The following AKAP13 variants were observed in gnomAD, a reference collection of about 807,000 sequenced individuals.
The protein encoded by AKAP13 is A-kinase anchor protein 13.
A neutral mutation model predicts 264.5 loss-of-function variants in AKAP13; 80 were observed. The observed-to-expected ratio is 0.30, with a 90% CI of 0.25 to 0.36. AKAP13 has a LOEUF of 0.36. Ranked by LOEUF, AKAP13 falls within the 10% of genes least tolerant of loss-of-function variation. AKAP13 has a pLI of 1.00. For synonymous variants in AKAP13, 1,380 were observed against 1,250.2 expected, an observed-to-expected ratio of 1.10 and a Z score of -2.19; for missense variants, 3,712 against 3,435.2, an observed-to-expected ratio of 1.08 and a Z score of -2.01.
intron 12 of AKAP13, chr15:85,662,364 T>G (rs1377784085): frequency 6.2e-7 from 1 of 1,613,624 alleles, no homozygotes; most frequent in Non-Finnish European, 8.5e-7. Flanking sequence ...GCATTTCTGT[T>G]TCTGTCTTTG....
chr15:85,745,199 G>A lies in AKAP13; in HGVS notation c.*522G>A, dbSNP rs538086916. On this transcript the variant is annotated 3_prime_UTR_variant, in exon 37 of 37. Coordinates refer to ENST00000394518, the MANE Select transcript of AKAP13 (RefSeq NM_007200.5). The stretch of plus-strand genomic sequence containing the variant: ...CTTAGCACAAGGGCAGTGCCTGGAC[G>A]GACCCGGAGCCCCCGCATATCAGCA... 3.3e-5 allele frequency: 5 copies of A among 153,048 alleles called. No homozygotes were observed. Among genetic ancestry groups the A allele is most frequent in the South Asian group, 2.1e-4 (1 of 4,866 alleles). The allele number at this position is 153,048 out of a possible 1,614,324, so 9.5% of individuals were successfully genotyped here. A position where few individuals can be genotyped will look rare whatever the true frequency, so the allele number is the denominator to read the frequency against.
intron 9 of AKAP13, among the ~76,000 whole-genome samples, chr15:85,641,338 C>T (rs531791313): frequency 9.3e-5 from 14 of 150,406 alleles, no homozygotes; most frequent in Admixed American, 2.6e-4. Context: ...CCCAGATACT[C>T]GGGAGACTGA....
intron 1 of AKAP13, among the ~76,000 whole-genome samples, chr15:85,461,791 C>T (rs1165863156): frequency 6.6e-6 from 1 of 152,022 alleles, no homozygotes; most frequent in African/African-American, 2.4e-5. Context: ...ATCTAAGTCC[C>T]TTTTGGATAG....
intron 19 of AKAP13, among the ~76,000 whole-genome samples, chr15:85,711,301 T>G (rs2086624334): frequency 6.6e-6 from 1 of 152,226 alleles, no homozygotes; most frequent in Non-Finnish European, 1.5e-5. Context: ...TCAAACCATT[T>G]TCACCAGTGC....
chr15:85,521,506 G>T lies in AKAP13; in HGVS notation c.112G>T (p.Gly38Cys). The stretch of plus-strand genomic sequence containing the variant: ...TGTAGTGTTTTACTTGGTATTTTTG[G>T]GTTCCACCCTCCGTCACTGTACAAG... ...DDVVFYLVFL[G>C]STLRHCTSTR... is the part of the protein sequence containing the mutation. The change falls in exon 3 of 37, where the codon GGT (glycine) becomes TGT (cysteine). Residue 38 changes from glycine (G) to cysteine (C), a missense_variant. Gly to Cys is a radical substitution (Grantham distance 159). Transcript: ENST00000394518. The T allele has an allele frequency of 6.2e-7, 1 of 1,614,062 alleles. No individual in the cohort carries two copies. The highest frequency in any genetic ancestry group is 8.5e-7 in the Non-Finnish European group (1 of 1,179,998).
intron 8 of AKAP13, among the ~76,000 whole-genome samples, chr15:85,630,775 A>G (rs1023369456): frequency 2.0e-5 from 3 of 152,228 alleles, no homozygotes; most frequent in African/African-American, 7.2e-5. Flanking sequence ...GGTAGCTACA[A>G]TAAGAAAGAT....
chr15:85,504,112 G>GA (rs1465365643), intron 2 of AKAP13, among the ~76,000 whole-genome samples: 2 of 152,078 alleles, frequency 1.3e-5, no homozygotes, highest in Admixed American at 6.6e-5. Flanking sequence ...TGACTTTGGA[G>GA]AAAAACAAGA....
chr15:85,658,657 T>G, intron 12 of AKAP13, 67 bp downstream of exon 12: 1 of 1,402,218 alleles, frequency 7.1e-7, no homozygotes, highest in Non-Finnish European at 1.0e-6. Context: ...AAGCATCTCA[T>G]TCTGCTTAAT....
At chr15:85,393,233 T>G (rs1428132317) in intron 1 of AKAP13, among the ~76,000 whole-genome samples, 2 of 152,194 alleles carry the variant, frequency 1.3e-5, no homozygotes, top group African/African-American at 4.8e-5. Flanking sequence ...CTTGGATGCT[T>G]TGTACACAGA....
rs771942703 is a variant in AKAP13, at chr15:85,579,123, G to A, written c.1055G>A (p.Ser352Asn). Reference sequence around the variant, plus strand: ...GGGAGCCCTGTTGCACAGACTGAAAGTCCCTGTGATTTGTCAAGCATAGTT... The same window carrying A: ...GGGAGCCCTGTTGCACAGACTGAAAATCCCTGTGATTTGTCAAGCATAGTT... ...CPGSPVAQTESPCDLSSIVEE... is the reference protein window; with the variant it reads ...CPGSPVAQTENPCDLSSIVEE... The change falls in exon 7 of 37, where the codon AGT becomes AAT. Residue 352 changes from serine to asparagine, a missense_variant. Ser to Asn is a conservative substitution (Grantham distance 46). Coordinates refer to ENST00000394518, the MANE Select transcript of AKAP13 (RefSeq NM_007200.5). The A allele has an allele frequency of 1.2e-6, 2 of 1,614,140 alleles. No homozygotes were observed. Among genetic ancestry groups the A allele is most frequent in the East Asian group, 4.5e-5 (2 of 44,882 alleles).
At chr15:85,570,795 G>A (rs551066865) in intron 5 of AKAP13, among the ~76,000 whole-genome samples, 1 of 152,302 alleles carries the variant, frequency 6.6e-6, no homozygotes, top group African/African-American at 2.4e-5. Context: ...TACCGCTGGA[G>A]TGGGGAAGGA....
intron 5 of AKAP13, among the ~76,000 whole-genome samples, chr15:85,566,398 G>C (rs2078606571): frequency 6.6e-6 from 1 of 152,222 alleles, no homozygotes; most frequent in East Asian, 1.9e-4. Flanking sequence ...TATGAAGGTG[G>C]CAATAACTTC....
intron 2 of AKAP13, among the ~76,000 whole-genome samples, chr15:85,493,064 G>A (rs566679598): frequency 1.3e-5 from 2 of 152,216 alleles, no homozygotes; most frequent in Admixed American, 6.5e-5. Context: ...TTCTGCGCAA[G>A]GTGTACCCTT....
intron 1 of AKAP13, among the ~76,000 whole-genome samples, chr15:85,419,604 T>C (rs1209433576): frequency 6.6e-6 from 1 of 152,182 alleles, no homozygotes; most frequent in African/African-American, 2.4e-5. Flanking sequence ...TAAAAAATTT[T>C]CCAAGTTTAG....
intron 1 of AKAP13, among the ~76,000 whole-genome samples, chr15:85,426,790 A>G (rs902449649): frequency 9.9e-5 from 15 of 152,260 alleles, no homozygotes; most frequent in East Asian, 3.9e-4. Flanking sequence ...GTGCAGTGCA[A>G]TGTATTTTCT....
chr15:85,651,159 C>T (rs2082822103), intron 10 of AKAP13, among the ~76,000 whole-genome samples: 1 of 152,148 alleles, frequency 6.6e-6, no homozygotes, highest in African/African-American at 2.4e-5. Context: ...CGTATCCATA[C>T]CTGTATAATG....
At chr15:85,399,466 G>T (rs1368638313) in intron 1 of AKAP13, among the ~76,000 whole-genome samples, 1 of 131,318 alleles carries the variant, frequency 7.6e-6, no homozygotes, top group South Asian at 2.3e-4. Flanking sequence ...ACTGCAGTCC[G>T]CAGTCCGGCC....
intron 10 of AKAP13, among the ~76,000 whole-genome samples, chr15:85,654,500 A>G (rs907804565): frequency 2.6e-5 from 4 of 152,214 alleles, no homozygotes; most frequent in African/African-American, 7.2e-5. Context: ...ATTTACTGAA[A>G]GAACTAACAT....
chr15:85,710,269 A>C (rs2086567375), intron 18 of AKAP13, among the ~76,000 whole-genome samples: 1 of 152,178 alleles, frequency 6.6e-6, no homozygotes, highest in African/African-American at 2.4e-5. Flanking sequence ...GCCTTGGGTG[A>C]GGAGAGGAGA....
Sources: allele counts gnomAD v4.1 joint callset (sites outside exome capture counted in the v4.1 genomes callset), GRCh38; gene constraint gnomAD v4.1.1; transcripts MANE v1.5; gene names NCBI Gene and HGNC (gene_info 2026-07-23, HGNC 2026-07-21).